Variants in CUL3 observed in about 807,000 individuals in gnomAD.
CUL3 encodes cullin 3.
A neutral mutation model predicts 89.1 loss-of-function variants in CUL3; 19 were observed. The ratio of observed to expected loss-of-function variants is 0.21; its 90% CI spans 0.15 to 0.31. The LOEUF (loss-of-function observed/expected upper bound fraction) is 0.31, where lower values mean the gene tolerates loss of function less well. Ranked by LOEUF, CUL3 falls within the 10% of genes least tolerant of loss-of-function variation. The probability of loss-of-function intolerance (pLI) is 1.00; values close to 1 mark genes in which losing one functional copy is unlikely to be tolerated. For synonymous variants in CUL3, 351 were observed against 308.4 expected, an observed-to-expected ratio of 1.14 and a Z score of -1.45; for missense variants, 469 against 942.3, an observed-to-expected ratio of 0.50 and a Z score of 6.58.
chr2:224,487,297 C>G (rs1016017171), intron 13 of CUL3, among the ~76,000 whole-genome samples: 1 of 151,920 alleles, frequency 6.6e-6, no homozygotes, highest in East Asian at 1.9e-4. Flanking sequence ...GGGCTAAATG[C>G]CCCAATTAAA....
intron 2 of CUL3, among the ~76,000 whole-genome samples, chr2:224,542,052 A>T (rs1694128320): frequency 6.6e-6 from 1 of 152,220 alleles, no homozygotes; most frequent in African/African-American, 2.4e-5. Context: ...ACTAATTTTT[A>T]AAAATTTGAA....
At position 224,481,898 on chromosome 2, in the gene CUL3, G is replaced by A. The variant is rs2106151188; in HGVS notation, c.2023C>T (p.Gln675Ter). The change falls in exon 14 of 16, where the codon CAA (glutamine) becomes TAA (stop). Residue 675 changes from glutamine (Q) to a stop codon, truncating the protein, a stop_gained. Transcript: ENST00000264414. LOFTEE classifies it high-confidence loss of function. The stretch of plus-strand genomic sequence containing the variant: ...AAAATATAATTCCAGATACCTGTTT[G>A]AATCTTGACTCTGTGTAGTTTGGAT... ...FTSKLHRVKI[Q>*]TVAAKQGESD... 6.7e-7 allele frequency: 1 copy of A among 1,494,182 alleles called. No homozygotes were observed. Among genetic ancestry groups the A allele is most frequent in the Non-Finnish European group, 8.9e-7 (1 of 1,120,584 alleles). 92.6% of individuals were successfully genotyped at this position (1,494,182 alleles called of 1,614,324 possible).
chr2:224,565,194 A>T (rs948174261), intron 1 of CUL3, among the ~76,000 whole-genome samples: 1 of 152,218 alleles, frequency 6.6e-6, no homozygotes, highest in Non-Finnish European at 1.5e-5. Flanking sequence ...CCTGTTTTGT[A>T]TGTTACATGT....
intron 2 of CUL3, among the ~76,000 whole-genome samples, chr2:224,546,432 A>C (rs1694302028): frequency 1.3e-5 from 2 of 152,118 alleles, no homozygotes; most frequent in Non-Finnish European, 2.9e-5. Flanking sequence ...TAACTCGAGT[A>C]GGGAGAGGTA....
chr2:224,478,904 T>A (rs1394738500), intron 14 of CUL3: 1 of 152,322 alleles, frequency 6.6e-6, no homozygotes, highest in Non-Finnish European at 1.5e-5. Context: ...CTCCCTAGAG[T>A]TCTGTTATCT....
At chr2:224,507,894 G>A (rs978851964) in intron 6 of CUL3, among the ~76,000 whole-genome samples, 6 of 152,130 alleles carry the variant, frequency 3.9e-5, no homozygotes, top group Admixed American at 3.3e-4. Context: ...GGCATTAAGA[G>A]TTTCTAGATC....
Position 224,567,557 on chromosome 2 carries a change from G to A in CUL3, c.67-9701C>T, listed in dbSNP as rs755696264. Among the ~76,000 whole-genome samples the A allele has an allele frequency of 1.6e-4, 24 of 151,994 alleles. 1 individual carries two copies. The highest frequency in any genetic ancestry group is 1.5e-5 in the Non-Finnish European group (1 of 68,004). ...GATCCAGATCATCCTGGCTAACACG[G>A]TGAAACCCCATCCCTACTAAAAATA... On this transcript the variant is annotated intron_variant, in intron 1 of 15. Coordinates refer to ENST00000264414, the MANE Select transcript of CUL3 (RefSeq NM_003590.5).
chr2:224,520,970 G>C (rs1460765052), intron 3 of CUL3, among the ~76,000 whole-genome samples: 1 of 152,148 alleles, frequency 6.6e-6, no homozygotes. Context: ...CAAAGTCAAG[G>C]GGTGTCTCTT....
At chr2:224,524,660 GTACTT>G (rs921938951) in intron 3 of CUL3, among the ~76,000 whole-genome samples, 47 of 152,100 alleles carry the variant, frequency 3.1e-4, no homozygotes, top group African/African-American at 1.1e-3. Context: ...TGATCTGACT[GTACTT>G]TACCTGCCTG....
At chr2:224,493,428 C>T (rs1692058065) in intron 13 of CUL3, among the ~76,000 whole-genome samples, 1 of 152,150 alleles carries the variant, frequency 6.6e-6, no homozygotes, top group South Asian at 2.1e-4. Flanking sequence ...CTCACAATGC[C>T]CCAGATTTGA....
chr2:224,503,590 C>G (rs1031069019), intron 9 of CUL3, 62 bp downstream of exon 9: 19 of 1,284,228 alleles, frequency 1.5e-5, no homozygotes, highest in Non-Finnish European at 1.9e-5. Context: ...ATCACGTTGT[C>G]AGTACACAAT....
chr2:224,535,843 T>G (rs1693878794), intron 2 of CUL3, among the ~76,000 whole-genome samples: 1 of 152,208 alleles, frequency 6.6e-6, no homozygotes, highest in African/African-American at 2.4e-5. Context: ...AGACTCCTCT[T>G]CTGATCTCCA....
intron 1 of CUL3, among the ~76,000 whole-genome samples, chr2:224,561,622 C>G (rs2106311632): frequency 6.6e-6 from 1 of 152,284 alleles, no homozygotes; most frequent in Non-Finnish European, 1.5e-5. Context: ...CTATCCAAGA[C>G]CTAAGTCTGT....
chr2:224,536,634 G>T (rs939568397), intron 2 of CUL3, among the ~76,000 whole-genome samples: 1 of 152,004 alleles, frequency 6.6e-6, no homozygotes, highest in Admixed American at 6.6e-5. Context: ...GCACTTTCAG[G>T]ATTACCTGCT....
intron 3 of CUL3, among the ~76,000 whole-genome samples, chr2:224,532,574 G>A (rs948662522): frequency 1.3e-5 from 2 of 152,076 alleles, no homozygotes; most frequent in African/African-American, 2.4e-5. Flanking sequence ...TGAGGTAGAA[G>A]CTTAACTGTA....
intron 10 of CUL3, among the ~76,000 whole-genome samples, chr2:224,500,868 C>T (rs546552861): frequency 2.0e-5 from 3 of 152,190 alleles, no homozygotes; most frequent in East Asian, 3.9e-4. Context: ...AGATGATCTG[C>T]CCGTCTCAGC....
intron 6 of CUL3, among the ~76,000 whole-genome samples, chr2:224,508,765 C>G (rs1487630085): frequency 9.2e-5 from 14 of 152,074 alleles, no homozygotes. Context: ...CGAGACCACC[C>G]TGGCTAACAC....
rs559953509 is a variant in CUL3 at position 224,554,561 on chromosome 2, T to C, written c.264+3098A>G. On this transcript the variant is annotated intron_variant, in intron 2 of 15. Transcript: ENST00000264414. ...AGTTCCGGCTAGGCCACTTAACAGC[T>C]ATATGGACCTGGACAAATGACCAAT... 3.9e-5 allele frequency among the ~76,000 whole-genome samples: 6 copies of C among 152,310 alleles called. No homozygotes were observed. The South Asian group carries it at 1.2e-3, about 32-fold the overall frequency.
At chr2:224,577,729 A>C (rs1695335630) in intron 1 of CUL3, among the ~76,000 whole-genome samples, 1 of 152,202 alleles carries the variant, frequency 6.6e-6, no homozygotes. Flanking sequence ...TTCTCTACAG[A>C]CTATTCATAG....
Sources: gnomAD v4.1 joint callset for allele counts (sites outside exome capture counted in the v4.1 genomes callset) on GRCh38, gnomAD v4.1.1 for gene constraint, MANE v1.5 for transcripts, NCBI Gene and HGNC (gene_info 2026-07-23, HGNC 2026-07-21) for gene names.